The following BAHCC1 variants were observed in gnomAD, a reference collection of about 807,000 sequenced individuals.
The protein encoded by BAHCC1 is BAH and coiled-coil domain-containing protein 1.
A neutral mutation model predicts 88.2 loss-of-function variants in BAHCC1; 43 were observed. The observed-to-expected ratio is 0.49, with a 90% CI of 0.38 to 0.63. The LOEUF (loss-of-function observed/expected upper bound fraction) is 0.63, where lower values mean the gene tolerates loss of function less well. BAHCC1 is among the 20% of genes least tolerant of loss of function. The pLI is 0.00. For missense variants in BAHCC1, 3,023 were observed against 1,654.8 expected, an observed-to-expected ratio of 1.83 and a Z score of -14.34; for synonymous variants, 1,510 against 745.5, an observed-to-expected ratio of 2.03 and a Z score of -16.71.
intron 2 of BAHCC1, among the ~76,000 whole-genome samples, chr17:81,413,732 G>A (rs1217026194): frequency 6.6e-6 from 1 of 152,348 alleles, no homozygotes; most frequent in East Asian, 1.9e-4. Flanking sequence ...CTCCAGGCTG[G>A]GCTCAGGGCG....
intron 3 of BAHCC1, among the ~76,000 whole-genome samples, chr17:81,431,366 C>T (rs978856687): frequency 5.3e-5 from 8 of 152,210 alleles, no homozygotes; most frequent in Non-Finnish European, 1.2e-4. Context: ...CTCATGTTCA[C>T]GGCCTGGCTG....
intron 2 of BAHCC1, among the ~76,000 whole-genome samples, chr17:81,407,875 C>A (rs1555647168): frequency 1.3e-5 from 2 of 152,212 alleles, no homozygotes; most frequent in Non-Finnish European, 2.9e-5. Flanking sequence ...TCACAACTGG[C>A]CCACAAGGAG....
intron 20 of BAHCC1, 41 bp downstream of exon 20, chr17:81,459,010 G>A: frequency 1.4e-6 from 1 of 724,940 alleles, no homozygotes; most frequent in South Asian, 1.4e-5. Flanking sequence ...CTGGGGAGGG[G>A]TGGTGGGTAG....
In BAHCC1 at chr17:81,417,555, A is replaced by ACCCC. The variant is rs58215427; in HGVS notation, c.179-9238_179-9235dup. Among the ~76,000 whole-genome samples, 104 of 131,430 alleles carry ACCCC rather than the reference A, an allele frequency of 7.9e-4. 2 individuals carry two copies. The highest frequency in any genetic ancestry group is 2.9e-3 in the African/African-American group (92 of 31,962). The allele number at this position is 131,430 out of a possible 152,430, so 86.2% of individuals were successfully genotyped here. Reference sequence around the variant, plus strand: ...AGGGACGCCATGGGGAGCGTCGGCCACCCCCCCCCCGCCCTAGCCAAAGGG... The same window carrying ACCCC: ...AGGGACGCCATGGGGAGCGTCGGCCACCCCCCCCCCCCCCGCCCTAGCCAAAGGG... On this transcript the variant is annotated intron_variant, in intron 2 of 27. Transcript: ENST00000675386.
intron 4 of BAHCC1, 104 bp downstream of exon 4, chr17:81,438,596 T>A (rs1555652092): frequency 1.5e-6 from 1 of 684,944 alleles, no homozygotes; most frequent in Non-Finnish European, 2.7e-6. Context: ...AGGTTAGCCC[T>A]CCCACCAGGT....
chr17:81,448,599 G>A lies in BAHCC1; in HGVS notation c.3976+751G>A, dbSNP rs142835368. ...ACGGCGCCGTGGTTGTTGATAGCAC[G>A]AAGCTGACAGTCTTCAGGGCTCGGC... On this transcript the variant is annotated intron_variant, in intron 11 of 27. Coordinates refer to ENST00000675386, the MANE Select transcript of BAHCC1 (RefSeq NM_001377448.1). 6.4e-4 allele frequency among the ~76,000 whole-genome samples: 98 copies of A among 152,336 alleles called. 1 individual carries two copies. The South Asian group carries it at 0.016, about 25-fold the overall frequency.
chr17:81,405,603 G>A (rs1169429757), intron 2 of BAHCC1, among the ~76,000 whole-genome samples: 1 of 152,168 alleles, frequency 6.6e-6, no homozygotes. Context: ...GACTGTCCAT[G>A]TCCCTGGGCT....
chr17:81,452,179 G>T, intron 13 of BAHCC1, 72 bp downstream of exon 13: 1 of 551,268 alleles, frequency 1.8e-6, no homozygotes, highest in Non-Finnish European at 3.2e-6. Flanking sequence ...CCACAGTGCT[G>T]GGGCCGATGT....
At chr17:81,398,292 C>CA (rs1555645243) in intron 1 of BAHCC1, among the ~76,000 whole-genome samples, 2 of 152,210 alleles carry the variant, frequency 1.3e-5, no homozygotes, top group Non-Finnish European at 2.9e-5. Flanking sequence ...CCTCCGCACC[C>CA]AGAGTCTAAA....
chr17:81,406,703 G>C (rs574943728), intron 2 of BAHCC1, among the ~76,000 whole-genome samples: 20 of 152,370 alleles, frequency 1.3e-4, no homozygotes, highest in African/African-American at 4.8e-4. Context: ...CGTGGCCCCA[G>C]AGCAGCTGCC....
chr17:81,421,948 T>G (rs1555649632), intron 2 of BAHCC1: 2 of 430,132 alleles, frequency 4.6e-6, no homozygotes, highest in Admixed American at 5.2e-5. Flanking sequence ...TGCCCAGAAG[T>G]GGTCCCAGAA....
At chr17:81,405,980 C>A (rs1298795029) in intron 2 of BAHCC1, among the ~76,000 whole-genome samples, 5 of 152,230 alleles carry the variant, frequency 3.3e-5, no homozygotes, top group East Asian at 1.9e-4. Flanking sequence ...TACAGGGACT[C>A]CTCCTGGGTA....
chr17:81,457,049 G>A (rs889324127), intron 16 of BAHCC1, among the ~76,000 whole-genome samples: 19 of 152,168 alleles, frequency 1.2e-4, no homozygotes, highest in Non-Finnish European at 2.8e-4. Flanking sequence ...GCCTGAGAAA[G>A]AACAAAGGGA....
Position 81,461,533 on chromosome 17 carries a change from C to G in BAHCC1, c.6870C>G (p.Ser2290Arg). 1.4e-6 allele frequency: 1 copy of G among 735,406 alleles called. No homozygotes were observed. The allele number at this position is 735,406 out of a possible 1,614,324, so 45.6% of individuals were successfully genotyped here. ...FPLPYDSDCH[S>R]SFSDEDEDGP... ...TGCCCTACGACAGCGACTGCCACAG[C>G]TCCTTCTCGGACGAGGACGAGGACG... The change falls in exon 26 of 28, where the codon AGC becomes AGG. Residue 2290 changes from serine (S) to arginine (R), a missense_variant. By Grantham distance (110) the Ser-to-Arg change is moderately radical (BLOSUM62 -1). Transcript: ENST00000675386.
At chr17:81,453,285 C>T (rs531132927) in intron 14 of BAHCC1, among the ~76,000 whole-genome samples, 13 of 152,354 alleles carry the variant, frequency 8.5e-5, no homozygotes, top group South Asian at 2.1e-4. Flanking sequence ...ACCCGCCCGG[C>T]GCAGTCGTTG....
chr17:81,416,768 T>C (rs904332335), intron 2 of BAHCC1, among the ~76,000 whole-genome samples: 3 of 152,214 alleles, frequency 2.0e-5, no homozygotes, highest in Non-Finnish European at 4.4e-5. Flanking sequence ...GCCTGTGTCA[T>C]TGACGTCGCC....
intron 26 of BAHCC1, among the ~76,000 whole-genome samples, chr17:81,462,347 C>G (rs1299448364): frequency 6.6e-6 from 1 of 152,234 alleles, no homozygotes; most frequent in African/African-American, 2.4e-5. Context: ...AGTGGCGTGG[C>G]CAGCTGGAGA....
At chr17:81,415,026 A>T (rs1210318550) in intron 2 of BAHCC1, among the ~76,000 whole-genome samples, 2 of 152,076 alleles carry the variant, frequency 1.3e-5, no homozygotes, top group East Asian at 3.9e-4. Context: ...TGCACTCTGC[A>T]CGTTTGCCCC....
intron 2 of BAHCC1, chr17:81,407,067 C>T: frequency 2.3e-6 from 1 of 441,964 alleles, no homozygotes; most frequent in Non-Finnish European, 4.6e-6. Context: ...TGCGGGGACT[C>T]TGAGGCTGGC....
Sources: gnomAD v4.1 joint callset for allele counts (sites outside exome capture counted in the v4.1 genomes callset) on GRCh38, gnomAD v4.1.1 for gene constraint, MANE v1.5 for transcripts, NCBI Gene and HGNC (gene_info 2026-07-23, HGNC 2026-07-21) for gene names.